The following FAM227A variants were observed in gnomAD, a reference collection of about 807,000 sequenced individuals.
The protein encoded by FAM227A is protein FAM227A.
In FAM227A, 80 loss-of-function variants were observed where a neutral mutation model predicts 74.7. The observed-to-expected ratio is 1.07, with a 90% CI of 0.89 to 1.29. FAM227A has a LOEUF of 1.29. FAM227A is among the 50% of genes most tolerant of loss of function. The pLI, the probability that FAM227A is intolerant of heterozygous loss-of-function variation, is 0.00. For synonymous variants in FAM227A, 237 were observed against 241.8 expected (o/e 0.98, Z 0.19); for missense variants, 654 against 683.4 (o/e 0.96, Z 0.48).
intron 12 of FAM227A, among the ~76,000 whole-genome samples, chr22:38,605,611 T>C (rs1470329439): frequency 6.6e-6 from 1 of 152,194 alleles, no homozygotes; most frequent in Non-Finnish European, 1.5e-5. Flanking sequence ...TAGAGGGAAG[T>C]CTCTAGCCTT....
intron 1 of FAM227A, among the ~76,000 whole-genome samples, chr22:38,653,204 T>A (rs985605288): frequency 2.0e-5 from 3 of 152,138 alleles, no homozygotes; most frequent in Non-Finnish European, 4.4e-5. Context: ...CTTATGAGAA[T>A]CTAATGCCTG....
chr22:38,592,102 C>A (rs552747916), intron 15 of FAM227A, among the ~76,000 whole-genome samples: 1 of 152,112 alleles, frequency 6.6e-6, no homozygotes, highest in African/African-American at 2.4e-5. Context: ...GTGCATGCCA[C>A]CATGCCTAGC....
At chr22:38,630,170 C>G (rs1249503094) in intron 6 of FAM227A, among the ~76,000 whole-genome samples, 1 of 152,254 alleles carries the variant, frequency 6.6e-6, no homozygotes, top group Admixed American at 6.5e-5. Context: ...CCCGCACTCA[C>G]ACACAGGTGC....
rs1445335524 is a variant in FAM227A, at chr22:38,580,080, TCTG to T, written c.*6042_*6044del. The T allele has an allele frequency of 7.1e-6, 1 of 141,098 alleles. No individual in the cohort carries two copies. The allele number at this position is 141,098 out of a possible 1,614,324, so 8.7% of individuals were successfully genotyped here. A position where few individuals can be genotyped will look rare whatever the true frequency, so the allele number is the denominator to read the frequency against. On this transcript the variant is annotated 3_prime_UTR_variant, in exon 17 of 17. Coordinates refer to ENST00000535113, the MANE Select transcript of FAM227A (RefSeq NM_001013647.2). ...GGACTACAGGCGTATGCCACCTTGC[TCTG>T]CTAATTTTTACTTTTTTTGTAGAGA...
At chr22:38,649,979 A>G in intron 2 of FAM227A, 48 bp downstream of exon 2, 1 of 1,537,204 alleles carries the variant, frequency 6.5e-7, no homozygotes, top group Non-Finnish European at 8.8e-7. Context: ...GCATGACTCA[A>G]GTTAGGTGTA....
chr22:38,628,265 C>G lies in FAM227A; in HGVS notation c.699G>C (p.Lys233Asn). The G allele has an allele frequency of 6.4e-7, 1 of 1,550,840 alleles. No individual in the cohort carries two copies. The highest frequency in any genetic ancestry group is 1.2e-5 in the South Asian group (1 of 84,044). ...HYALLLFRVP[K>N]SHSEEALLKR... The stretch of plus-strand genomic sequence containing the variant: ...TTAAGAGCGCCTCTTCAGAGTGGGA[C>G]TTGGGTACACGAAACAAAAGTAAGG... Residue 233 changes from lysine (K) to asparagine (N), a missense_variant, in exon 8 of 17, where the codon AAG becomes AAC. Physicochemically the swap from Lys to Asn is moderately conservative, Grantham distance 94. Transcript: ENST00000535113.
chr22:38,612,131 A>C (rs1006463117), intron 11 of FAM227A, among the ~76,000 whole-genome samples: 1 of 152,150 alleles, frequency 6.6e-6, no homozygotes, highest in Admixed American at 6.5e-5. Flanking sequence ...CAAATACGGA[A>C]GCCTCCCAGC....
At chr22:38,610,918 G>A (rs1041711994) in intron 11 of FAM227A, among the ~76,000 whole-genome samples, 6 of 151,994 alleles carry the variant, frequency 3.9e-5, no homozygotes, top group Non-Finnish European at 7.4e-5. Flanking sequence ...AAATTAGCGG[G>A]GAGTGGTGGC....
At chr22:38,613,116 T>TA (rs1555959758) in intron 11 of FAM227A, among the ~76,000 whole-genome samples, 4 of 91,128 alleles carry the variant, frequency 4.4e-5, no homozygotes, top group African/African-American at 1.9e-4. Flanking sequence ...TATATATATA[T>TA]TATATATAAT....
chr22:38,630,548 G>A lies in FAM227A; in HGVS notation c.520-1613C>T, dbSNP rs561962448. Among the ~76,000 whole-genome samples, 41 of 152,282 alleles carry A rather than the reference G, an allele frequency of 2.7e-4. No homozygotes were observed. The South Asian group carries it at 7.7e-3, about 28-fold the overall frequency. Reference sequence around the variant, plus strand: ...GCCTCAAGGACTGTTGTGGAGGTTCGATGAGTGGTTCCTATTAGGGCTTAG... The same window carrying A: ...GCCTCAAGGACTGTTGTGGAGGTTCAATGAGTGGTTCCTATTAGGGCTTAG... On this transcript the variant is annotated intron_variant, in intron 6 of 16. Coordinates refer to ENST00000535113, the MANE Select transcript of FAM227A (RefSeq NM_001013647.2).
chr22:38,597,783 G>A (rs969126332), intron 14 of FAM227A, among the ~76,000 whole-genome samples: 1 of 151,954 alleles, frequency 6.6e-6, no homozygotes, highest in Non-Finnish European at 1.5e-5. Flanking sequence ...GGCCAGGCGC[G>A]GTGTAATCCC....
At chr22:38,599,675 G>C (rs1182926308) in intron 14 of FAM227A, 89 bp downstream of exon 14, 2 of 1,297,880 alleles carry the variant, frequency 1.5e-6, no homozygotes, top group Non-Finnish European at 1.0e-6. Context: ...CTGTGCTAAG[G>C]CCTGGGTGCC....
intron 2 of FAM227A, among the ~76,000 whole-genome samples, chr22:38,649,312 C>T (rs1399336796): frequency 6.6e-6 from 1 of 152,138 alleles, no homozygotes; most frequent in Non-Finnish European, 1.5e-5. Flanking sequence ...TGCCTGTAAT[C>T]CCAGCACTTT....
At chr22:38,613,311 A>AAATATAATATATAT in intron 11 of FAM227A, among the ~76,000 whole-genome samples, 1 of 62,098 alleles carries the variant, frequency 1.6e-5, no homozygotes, top group Non-Finnish European at 2.7e-5. Context: ...ATAATATATA[A>AAATATAATATATAT]CATATAATAT....
rs1163198597 is a variant in FAM227A, at chr22:38,591,451, G to A, written c.1622C>T (p.Pro541Leu). ...GAGACTTCCCTTAGTTTTCTTGTCA[G>A]GTGATTCCTCATTGACGGCTGAAGG... is the stretch of plus-strand genomic sequence containing the variant. ...IPPSAVNEESPDKKTKEGKGG... is the reference protein window; with the variant it reads ...IPPSAVNEESLDKKTKEGKGG... Residue 541 changes from proline (P) to leucine (L), a missense_variant, in exon 16 of 17, where the codon CCT (proline) becomes CTT (leucine). By Grantham distance (98) the Pro-to-Leu change is moderately conservative. Transcript: ENST00000535113. The A allele has an allele frequency of 6.4e-7, 1 of 1,551,240 alleles. No homozygotes were observed. Among genetic ancestry groups the A allele is most frequent in the Admixed American group, 2.0e-5 (1 of 50,948 alleles).
intron 16 of FAM227A, among the ~76,000 whole-genome samples, chr22:38,588,476 G>C (rs1462578907): frequency 6.6e-6 from 1 of 150,688 alleles, no homozygotes; most frequent in Non-Finnish European, 1.5e-5. Context: ...AAAATTAGCC[G>C]GGCGTGGTGG....
chr22:38,627,693 C>T (rs1170046800), intron 8 of FAM227A, among the ~76,000 whole-genome samples: 1 of 152,206 alleles, frequency 6.6e-6, no homozygotes, highest in African/African-American at 2.4e-5. Flanking sequence ...CAACCTCCGC[C>T]TCCCGGGTTC....
intron 3 of FAM227A, among the ~76,000 whole-genome samples, chr22:38,641,551 CAAAAA>C (rs34059145): frequency 7.3e-5 from 8 of 109,202 alleles, no homozygotes; most frequent in African/African-American, 2.3e-4. Context: ...AACTCCATCT[CAAAAA>C]AAAAAAAAAA....
rs2090716718 is a variant in FAM227A, at chr22:38,582,213, A to G, written c.*3912T>C. On this transcript the variant is annotated 3_prime_UTR_variant, in exon 17 of 17. Coordinates refer to ENST00000535113, the MANE Select transcript of FAM227A (RefSeq NM_001013647.2). ...TTTGGGCCTCTTTGTAACCCCTTCC[A>G]GCTTCCCTCCTATCCCCTCTCCAGC... is the stretch of plus-strand genomic sequence containing the variant. 1.1e-5 allele frequency: 10 copies of G among 875,780 alleles called. No homozygotes were observed. In the East Asian group the frequency reaches 1.9e-4, roughly 16 times the overall value. The allele number at this position is 875,780 out of a possible 1,614,324, so 54.3% of individuals were successfully genotyped here.
Sources: gnomAD v4.1 joint callset for allele counts (sites outside exome capture counted in the v4.1 genomes callset) on GRCh38, gnomAD v4.1.1 for gene constraint, MANE v1.5 for transcripts, NCBI Gene and HGNC (gene_info 2026-07-23, HGNC 2026-07-21) for gene names.